The following DNAAF11 variants were observed in gnomAD, a reference collection of about 807,000 sequenced individuals.
DNAAF11 encodes the protein dynein axonemal assembly factor 11.
In DNAAF11, 45 loss-of-function variants were observed where a neutral mutation model predicts 60.8. The observed-to-expected ratio is 0.74, with a 90% CI of 0.58 to 0.95. The LOEUF (loss-of-function observed/expected upper bound fraction) is 0.95. DNAAF11 is among the 40% of genes least tolerant of loss of function. The probability of loss-of-function intolerance (pLI) is 0.00; values close to 1 mark genes in which losing one functional copy is unlikely to be tolerated. For missense variants in DNAAF11, 546 were observed against 546.2 expected, an observed-to-expected ratio of 1.00 and a Z score of 0.00; for synonymous variants, 191 against 183.5, an observed-to-expected ratio of 1.04 and a Z score of -0.33.
intron 11 of DNAAF11, among the ~76,000 whole-genome samples, chr8:132,576,057 G>A (rs1814716367): frequency 6.6e-6 from 1 of 152,198 alleles, no homozygotes; most frequent in African/African-American, 2.4e-5. Flanking sequence ...AGTAGGGAGT[G>A]TGTTTATTTT....
At chr8:132,616,516 G>A (rs1257352247) in intron 7 of DNAAF11, among the ~76,000 whole-genome samples, 1 of 152,124 alleles carries the variant, frequency 6.6e-6, no homozygotes, top group African/African-American at 2.4e-5. Flanking sequence ...TAAAATGAGG[G>A]AGAGAAGAAT....
chr8:132,667,675 A>T (rs1014570067), intron 1 of DNAAF11, among the ~76,000 whole-genome samples: 3 of 152,212 alleles, frequency 2.0e-5, no homozygotes, highest in Non-Finnish European at 2.9e-5. Flanking sequence ...GACAGCTTCA[A>T]CCACAGATAC....
chr8:132,632,657 G>T, intron 5 of DNAAF11, 83 bp downstream of exon 5: 1 of 892,404 alleles, frequency 1.1e-6, no homozygotes, highest in Non-Finnish European at 1.8e-6. Context: ...GAATATAAGT[G>T]TACTGCAAAC....
intron 1 of DNAAF11, among the ~76,000 whole-genome samples, chr8:132,669,734 A>C (rs1458498207): frequency 1.3e-5 from 2 of 152,208 alleles, no homozygotes; most frequent in Non-Finnish European, 2.9e-5. Flanking sequence ...CCTCTAGCCT[A>C]AAAATCTATA....
At chr8:132,621,583 T>C (rs17605455) in intron 7 of DNAAF11, among the ~76,000 whole-genome samples, 12,910 of 152,162 alleles carry the variant, frequency 0.085, 704 homozygotes, top group South Asian at 0.15. Flanking sequence ...AGTTCTGTTG[T>C]AGGCTAAATA....
chr8:132,589,743 A>G (rs1586497261), intron 10 of DNAAF11, among the ~76,000 whole-genome samples: 1 of 152,254 alleles, frequency 6.6e-6, no homozygotes, highest in Non-Finnish European at 1.5e-5. Context: ...GTTGGGCTTT[A>G]TTTGCCTACA....
At chr8:132,657,553 C>A (rs186941759) in intron 2 of DNAAF11, among the ~76,000 whole-genome samples, 4 of 152,182 alleles carry the variant, frequency 2.6e-5, no homozygotes, top group African/African-American at 9.6e-5. Flanking sequence ...ACTGTTCTAC[C>A]ACATTTAGTT....
chr8:132,626,056 TC>T (rs369854366), intron 5 of DNAAF11, among the ~76,000 whole-genome samples: 2 of 131,710 alleles, frequency 1.5e-5, no homozygotes, highest in African/African-American at 4.0e-5. Context: ...TTCTTTTTTT[TC>T]TTTTTTTTTT....
chr8:132,603,644 G>A (rs1195077148), intron 10 of DNAAF11, among the ~76,000 whole-genome samples: 1 of 152,000 alleles, frequency 6.6e-6, no homozygotes, highest in Non-Finnish European at 1.5e-5. Flanking sequence ...GTTGATTTGA[G>A]AGATAATGAG....
the DNAAF11 span, among the ~76,000 whole-genome samples, chr8:132,686,536 G>A: frequency 2.0e-5 from 3 of 152,034 alleles, no homozygotes; most frequent in Non-Finnish European, 4.4e-5. Flanking sequence ...ACTGCATTGC[G>A]GAAACTGGAT....
chr8:132,666,365 T>C (rs558078094), intron 1 of DNAAF11, among the ~76,000 whole-genome samples: 15 of 152,362 alleles, frequency 9.8e-5, no homozygotes, highest in African/African-American at 3.6e-4. Flanking sequence ...CTGATTACTA[T>C]ACAGTATATG....
At chr8:132,663,035 TGA>T (rs1159810511) in intron 1 of DNAAF11, among the ~76,000 whole-genome samples, 4 of 152,170 alleles carry the variant, frequency 2.6e-5, no homozygotes, top group Admixed American at 1.3e-4. Flanking sequence ...ATGTAGAGGT[TGA>T]GAGATTAAAA....
intron 5 of DNAAF11, among the ~76,000 whole-genome samples, chr8:132,632,098 A>C (rs892553986): frequency 2.0e-5 from 3 of 152,114 alleles, no homozygotes; most frequent in Non-Finnish European, 4.4e-5. Flanking sequence ...TAGAACTACA[A>C]GCTGCCTATA....
chr8:132,659,824 T>C (rs1823952914), intron 2 of DNAAF11, among the ~76,000 whole-genome samples: 1 of 151,938 alleles, frequency 6.6e-6, no homozygotes, highest in South Asian at 2.1e-4. Flanking sequence ...TATTCTTTCT[T>C]GCGGGGGGTG....
the DNAAF11 span, among the ~76,000 whole-genome samples, chr8:132,693,473 G>A: frequency 4.4e-4 from 67 of 151,188 alleles, no homozygotes; most frequent in African/African-American, 1.3e-3. Flanking sequence ...GTGTGTGTGC[G>A]TGTGTATATT....
At chr8:132,597,405 A>C (rs1423303912) in intron 10 of DNAAF11, among the ~76,000 whole-genome samples, 1 of 151,994 alleles carries the variant, frequency 6.6e-6, no homozygotes, top group African/African-American at 2.4e-5. Context: ...AGCTGATTCC[A>C]TTCTTGGATC....
chr8:132,618,875 T>C (rs1385493378), intron 7 of DNAAF11, among the ~76,000 whole-genome samples: 2 of 152,032 alleles, frequency 1.3e-5, no homozygotes, highest in Non-Finnish European at 2.9e-5. Context: ...TCAACCACTG[T>C]GGAAGTCAGT....
chr8:132,588,130 T>G (rs1041038643), intron 10 of DNAAF11, among the ~76,000 whole-genome samples: 15 of 152,288 alleles, frequency 9.8e-5, no homozygotes, highest in African/African-American at 3.4e-4. Context: ...CCAATATCTA[T>G]GTTTGACCCA....
intron 3 of DNAAF11, among the ~76,000 whole-genome samples, chr8:132,647,574 G>A (rs772169453): frequency 1.6e-4 from 25 of 152,276 alleles, no homozygotes; most frequent in Admixed American, 5.2e-4. Context: ...GAATCCAGGA[G>A]CTGGTTTTTT....
Sources: gnomAD v4.1 joint callset for allele counts (sites outside exome capture counted in the v4.1 genomes callset) on GRCh38, gnomAD v4.1.1 for gene constraint, MANE v1.5 for transcripts, NCBI Gene and HGNC (gene_info 2026-07-23, HGNC 2026-07-21) for gene names.